Variants in HDAC9 observed in about 807,000 individuals in gnomAD.
HDAC9 encodes histone deacetylase 9, also known as MEF-2 interacting transcription repressor (MITR) protein.
Under a neutral mutation model 139.4 loss-of-function variants are expected in HDAC9, and 41 were observed. The observed-to-expected ratio is 0.29, with a 90% CI of 0.23 to 0.38. The LOEUF (loss-of-function observed/expected upper bound fraction) is 0.38. Ranked by LOEUF, HDAC9 falls within the 10% of genes least tolerant of loss-of-function variation. The probability of loss-of-function intolerance (pLI) is 1.00; values close to 1 mark genes in which losing one functional copy is unlikely to be tolerated. For synonymous variants in HDAC9, 517 were observed against 476.2 expected (o/e 1.09, Z -1.12); for missense variants, 1,147 against 1,297.0 (o/e 0.88, Z 1.78).
chr7:18,204,731 T>C (rs1791374761), intron 2 of HDAC9, among the ~76,000 whole-genome samples: 1 of 152,022 alleles, frequency 6.6e-6, no homozygotes, highest in Non-Finnish European at 1.5e-5. Flanking sequence ...GAGGTATTTT[T>C]CTTCTTGATT....
chr7:18,671,247 G>T (rs1190204482), intron 12 of HDAC9, among the ~76,000 whole-genome samples: 1 of 151,988 alleles, frequency 6.6e-6, no homozygotes, highest in African/African-American at 2.4e-5. Context: ...CAGTTGTCAC[G>T]TTCTAGACCT....
intron 25 of HDAC9, among the ~76,000 whole-genome samples, chr7:18,986,602 G>C (rs1266552760): frequency 6.7e-6 from 1 of 149,886 alleles, no homozygotes; most frequent in African/African-American, 2.4e-5. Flanking sequence ...TTCCAATTCT[G>C]TGAAGAAAGT....
chr7:18,465,550 C>G (rs1244383346), intron 1 of HDAC9, among the ~76,000 whole-genome samples: 1 of 152,130 alleles, frequency 6.6e-6, no homozygotes, highest in Non-Finnish European at 1.5e-5. Context: ...AATGCACTCT[C>G]TTTTTTCTGG....
chr7:18,109,727 T>A (rs1783482320), intron 1 of HDAC9, among the ~76,000 whole-genome samples: 1 of 152,200 alleles, frequency 6.6e-6, no homozygotes, highest in Admixed American at 6.5e-5. Context: ...TTGAAGAGCT[T>A]CATGTGGTGC....
chr7:18,509,319 A>G, intron 2 of HDAC9: 1 of 985,444 alleles, frequency 1.0e-6, no homozygotes, highest in Non-Finnish European at 1.2e-6. Flanking sequence ...AGCCTTTATC[A>G]ATGGGTAGGT....
intron 8 of HDAC9, among the ~76,000 whole-genome samples, chr7:18,644,142 C>A (rs1786609477): frequency 6.6e-6 from 1 of 152,066 alleles, no homozygotes; most frequent in African/African-American, 2.4e-5. Context: ...AAATACACCA[C>A]ACAGAATTGT....
intron 1 of HDAC9, among the ~76,000 whole-genome samples, chr7:18,345,228 A>G (rs1370758365): frequency 6.6e-6 from 1 of 151,996 alleles, no homozygotes; most frequent in East Asian, 1.9e-4. Flanking sequence ...TCTTTCTTCT[A>G]GATAATGCTG....
intron 2 of HDAC9, among the ~76,000 whole-genome samples, chr7:18,178,941 A>G (rs1789172749): frequency 6.6e-6 from 1 of 152,196 alleles, no homozygotes; most frequent in African/African-American, 2.4e-5. Context: ...CTTTATTAAG[A>G]TTAAATTAGG....
At chr7:18,875,756 TATTATTATCCA>T in intron 22 of HDAC9, among the ~76,000 whole-genome samples, 1 of 152,150 alleles carries the variant, frequency 6.6e-6, no homozygotes, top group Non-Finnish European at 1.5e-5. Flanking sequence ...AAAAAATTGT[TATTATTATCCA>T]TGGAACTCAA....
At chr7:18,631,165 AG>A (rs2128979890) in intron 7 of HDAC9, among the ~76,000 whole-genome samples, 1 of 152,232 alleles carries the variant, frequency 6.6e-6, no homozygotes. Flanking sequence ...CTTATTTATA[AG>A]GATTATGATT....
chr7:18,320,326 A>G (rs1306526687), intron 1 of HDAC9, among the ~76,000 whole-genome samples: 1 of 152,190 alleles, frequency 6.6e-6, no homozygotes, highest in Non-Finnish European at 1.5e-5. Context: ...AGGCTTCGAA[A>G]TCTGTCTTTA....
intron 22 of HDAC9, among the ~76,000 whole-genome samples, chr7:18,883,825 T>A (rs1799919341): frequency 6.6e-6 from 1 of 151,904 alleles, no homozygotes; most frequent in African/African-American, 2.4e-5. Flanking sequence ...ATAAAACCAA[T>A]AATTAAATAC....
intron 22 of HDAC9, among the ~76,000 whole-genome samples, chr7:18,925,018 G>GT (rs1804092384): frequency 6.6e-6 from 1 of 152,094 alleles, no homozygotes; most frequent in African/African-American, 2.4e-5. Flanking sequence ...TTTTGAAGGG[G>GT]TGATATATTT....
intron 2 of HDAC9, among the ~76,000 whole-genome samples, chr7:18,220,915 C>G (rs1010236284): frequency 2.4e-4 from 36 of 152,200 alleles, no homozygotes; most frequent in African/African-American, 8.7e-4. Context: ...GTAATGTTAT[C>G]TTGTTCTCTT....
intron 6 of HDAC9, among the ~76,000 whole-genome samples, chr7:18,608,439 T>C (rs911193344): frequency 6.6e-6 from 1 of 152,160 alleles, no homozygotes; most frequent in African/African-American, 2.4e-5. Context: ...ATTTGCTTTT[T>C]AGCCTCTTAT....
intron 1 of HDAC9, among the ~76,000 whole-genome samples, chr7:18,297,036 C>T (rs1798195707): frequency 6.6e-6 from 1 of 152,042 alleles, no homozygotes; most frequent in Non-Finnish European, 1.5e-5. Context: ...TCTGTCTGGG[C>T]AATTCAAGAT....
At chr7:18,582,014 C>T (rs71524249) in intron 2 of HDAC9, among the ~76,000 whole-genome samples, 3,626 of 152,208 alleles carry the variant, frequency 0.024, 66 homozygotes, top group Middle Eastern at 0.044. Context: ...TGTAAGCAAC[C>T]CAAGATTGAT....
At chr7:18,971,716 C>G (rs541128605) in intron 24 of HDAC9, among the ~76,000 whole-genome samples, 2 of 152,096 alleles carry the variant, frequency 1.3e-5, no homozygotes, top group African/African-American at 4.8e-5. Context: ...TTGCCAGAGG[C>G]CAAATATAAT....
intron 21 of HDAC9, among the ~76,000 whole-genome samples, chr7:18,855,470 T>G (rs962973852): frequency 2.6e-5 from 4 of 151,974 alleles, no homozygotes; most frequent in Admixed American, 1.3e-4. Context: ...TGCTAGAGTC[T>G]TTTGCTTTAA....
Sources: allele counts gnomAD v4.1 joint callset (sites outside exome capture counted in the v4.1 genomes callset), GRCh38; gene constraint gnomAD v4.1.1; transcripts MANE v1.5; gene names NCBI Gene and HGNC (gene_info 2026-07-23, HGNC 2026-07-21).